ZNF69: variants seen among roughly 807,000 people sequenced by gnomAD.
The protein encoded by ZNF69 is ZNF3.
Under a neutral mutation model 50.9 loss-of-function variants are expected in ZNF69, and 47 were observed. The ratio of observed to expected loss-of-function variants is 0.92; its 90% CI spans 0.73 to 1.18. ZNF69 has a LOEUF of 1.18. Among genes scored for constraint, ZNF69 ranks in the 50% most tolerant of loss-of-function variants. ZNF69 has a pLI of 0.00. For missense variants in ZNF69, 717 were observed against 675.1 expected (o/e 1.06, Z -0.69); for synonymous variants, 216 against 223.1 (o/e 0.97, Z 0.29).
the ZNF69 span, among the ~76,000 whole-genome samples, chr19:11,935,556 T>G: frequency 6.6e-6 from 1 of 151,774 alleles, no homozygotes; most frequent in East Asian, 1.9e-4. Flanking sequence ...TGATTGGTTG[T>G]TTTTTTTCTT....
At chr19:11,919,001 T>C (rs1402840939), downstream of ZNF69, among the ~76,000 whole-genome samples, 1 of 151,944 alleles carries the variant, frequency 6.6e-6, no homozygotes, top group Admixed American at 6.6e-5. Flanking sequence ...GTTCACGCCA[T>C]TCTCCTGCCT....
At chr19:11,936,458 A>G in the ZNF69 span, among the ~76,000 whole-genome samples, 4 of 152,014 alleles carry the variant, frequency 2.6e-5, no homozygotes, top group African/African-American at 9.7e-5. Flanking sequence ...GCATTTTTTC[A>G]TGTGTCTGTT....
chr19:11,958,665 G>A, the ZNF69 span, among the ~76,000 whole-genome samples: 70 of 152,292 alleles, frequency 4.6e-4, no homozygotes, highest in Admixed American at 6.5e-4. Flanking sequence ...CTCACACACT[G>A]CCTAGGAGTG....
At chr19:11,897,214 G>A (rs937579500) in intron 1 of ZNF69, among the ~76,000 whole-genome samples, 4 of 152,122 alleles carry the variant, frequency 2.6e-5, no homozygotes. Flanking sequence ...AGGCCTGGTG[G>A]CACATGCCTG....
chr19:11,930,318 A>G, the ZNF69 span, among the ~76,000 whole-genome samples: 1 of 148,496 alleles, frequency 6.7e-6, no homozygotes, highest in South Asian at 2.1e-4. Flanking sequence ...AGACAAGGAA[A>G]GGCCACCCCA....
downstream of ZNF69, among the ~76,000 whole-genome samples, chr19:11,917,684 G>C (rs956515032): frequency 1.3e-5 from 2 of 151,936 alleles, no homozygotes; most frequent in Admixed American, 6.6e-5. Context: ...TGTGGCCAAG[G>C]CTGGATCAGT....
At chr19:11,957,435 T>G in the ZNF69 span, among the ~76,000 whole-genome samples, 1 of 152,002 alleles carries the variant, frequency 6.6e-6, no homozygotes, top group East Asian at 1.9e-4. Context: ...TGAAATCAGC[T>G]TGTCATTAGG....
At chr19:11,929,169 T>C in the ZNF69 span, among the ~76,000 whole-genome samples, 1 of 148,144 alleles carries the variant, frequency 6.8e-6, no homozygotes, top group Admixed American at 6.6e-5. Context: ...CTTTGTTGTT[T>C]TTGTTGTTTG....
the ZNF69 span, chr19:11,978,099 C>T: frequency 1.7e-5 from 28 of 1,605,008 alleles, no homozygotes; most frequent in Non-Finnish European, 2.3e-5. Flanking sequence ...TCATAATGTG[C>T]TTCTCACTTT....
the ZNF69 span, among the ~76,000 whole-genome samples, chr19:11,930,754 A>G: frequency 1.3e-5 from 2 of 148,242 alleles, no homozygotes; most frequent in South Asian, 2.1e-4. Flanking sequence ...TAATACCAGC[A>G]CTTTGGGAGG....
At chr19:11,898,178 G>A in intron 1 of ZNF69, among the ~76,000 whole-genome samples, 1 of 151,940 alleles carries the variant, frequency 6.6e-6, no homozygotes, top group African/African-American at 2.4e-5. Flanking sequence ...ATTTTTGCAT[G>A]TTTTTCATGC....
At chr19:11,920,449 C>T in the ZNF69 span, among the ~76,000 whole-genome samples, 2 of 152,216 alleles carry the variant, frequency 1.3e-5, no homozygotes, top group Non-Finnish European at 1.5e-5. Context: ...GTGTATTTCT[C>T]TTTTTAATAA....
the ZNF69 span, among the ~76,000 whole-genome samples, chr19:11,922,659 C>T: frequency 1.1e-4 from 2 of 18,792 alleles, no homozygotes; most frequent in Non-Finnish European, 2.0e-4. Flanking sequence ...CCATTGACTG[C>T]AAGGAGGTCA....
the ZNF69 span, chr19:11,925,208 G>T: frequency 6.2e-7 from 1 of 1,612,312 alleles, no homozygotes. Context: ...TGTCGCCTGC[G>T]CTATGCCCTG....
chr19:11,931,570 C>T, the ZNF69 span, among the ~76,000 whole-genome samples: 5 of 148,050 alleles, frequency 3.4e-5, 1 homozygote, highest in South Asian at 2.1e-4. Flanking sequence ...TCATTGTCTT[C>T]TATTTCAGTC....
At chr19:11,972,429 T>C in the ZNF69 span, among the ~76,000 whole-genome samples, 2 of 152,242 alleles carry the variant, frequency 1.3e-5, no homozygotes, top group African/African-American at 2.4e-5. Flanking sequence ...GTGTGCATTC[T>C]AGAAACTTAG....
chr19:11,938,559 T>C, the ZNF69 span, among the ~76,000 whole-genome samples: 1 of 152,232 alleles, frequency 6.6e-6, no homozygotes, highest in Non-Finnish European at 1.5e-5. Flanking sequence ...ACAAAGGACA[T>C]GAACTCATCC....
chr19:11,971,581 A>G, the ZNF69 span, among the ~76,000 whole-genome samples: 4 of 152,194 alleles, frequency 2.6e-5, no homozygotes, highest in African/African-American at 9.7e-5. Flanking sequence ...AATTTCATGG[A>G]ATAAAATATA....
At chr19:11,941,198 C>T in the ZNF69 span, among the ~76,000 whole-genome samples, 6 of 152,246 alleles carry the variant, frequency 3.9e-5, no homozygotes, top group Non-Finnish European at 5.9e-5. Context: ...AGTTTCTCCA[C>T]GTCCCCACCA....
Sources: allele counts gnomAD v4.1 joint callset (sites outside exome capture counted in the v4.1 genomes callset), GRCh38; gene constraint gnomAD v4.1.1; transcripts MANE v1.5; gene names NCBI Gene and HGNC (gene_info 2026-07-23, HGNC 2026-07-21).